DCDC1: variants seen among roughly 807,000 people sequenced by gnomAD.
DCDC1 encodes the protein doublecortin domain containing 1.
DCDC1 carries 200 observed loss-of-function variants against 178.3 expected under a neutral mutation model. The observed-to-expected ratio is 1.12, with a 90% CI of 1.00 to 1.26. DCDC1 has a LOEUF of 1.26. DCDC1 is among the 50% of genes most tolerant of loss of function. The probability of loss-of-function intolerance (pLI) is 0.00; values close to 1 mark genes in which losing one functional copy is unlikely to be tolerated. For synonymous variants in DCDC1, 690 were observed against 604.8 expected (o/e 1.14, Z -2.07); for missense variants, 1,983 against 1,749.2 (o/e 1.13, Z -2.38).
intron 20 of DCDC1, among the ~76,000 whole-genome samples, chr11:30,988,079 G>A (rs1023060532): frequency 5.3e-5 from 8 of 152,066 alleles, no homozygotes; most frequent in African/African-American, 1.9e-4. Flanking sequence ...AAGATAAGAA[G>A]TTCAGATTCT....
chr11:31,188,969 G>T (rs868432535), intron 9 of DCDC1, among the ~76,000 whole-genome samples: 1 of 152,040 alleles, frequency 6.6e-6, no homozygotes, highest in Non-Finnish European at 1.5e-5. Context: ...AAAGCCGCTT[G>T]TTCATCCCCT....
At chr11:30,927,981 T>A (rs895739449) in intron 22 of DCDC1, among the ~76,000 whole-genome samples, 2 of 152,070 alleles carry the variant, frequency 1.3e-5, no homozygotes, top group Non-Finnish European at 2.9e-5. Context: ...ATAATATACG[T>A]TAGTGGTATG....
intron 21 of DCDC1, among the ~76,000 whole-genome samples, chr11:30,951,883 C>G (rs1948447945): frequency 6.6e-6 from 1 of 152,050 alleles, no homozygotes; most frequent in East Asian, 1.9e-4. Flanking sequence ...AAATACAATT[C>G]ACACCTGTAA....
At chr11:31,358,178 C>G (rs1443093069) in intron 1 of DCDC1, among the ~76,000 whole-genome samples, 1 of 151,662 alleles carries the variant, frequency 6.6e-6, no homozygotes, top group Non-Finnish European at 1.5e-5. Flanking sequence ...CGCTACCTGA[C>G]TTCAAACTAT....
chr11:30,906,379 T>C lies in DCDC1; in HGVS notation c.4104+161A>G, dbSNP rs547251635. Reference sequence around the variant, plus strand: ...ATAGACAATGCATTTTAAATTACAATGGGGAAAAGGAAATCAATGCAGGTA... The same window carrying C: ...ATAGACAATGCATTTTAAATTACAACGGGGAAAAGGAAATCAATGCAGGTA... On this transcript the variant is annotated intron_variant, in intron 30 of 38. Transcript: ENST00000684477. 8.4e-6 allele frequency: 6 copies of C among 711,606 alleles called. No homozygotes were observed. The East Asian group carries it at 1.4e-4, about 16-fold the overall frequency. 44.1% of individuals were successfully genotyped at this position (711,606 alleles called of 1,614,324 possible).
chr11:31,061,006 C>T (rs527670542), intron 20 of DCDC1, among the ~76,000 whole-genome samples: 1 of 152,224 alleles, frequency 6.6e-6, no homozygotes, highest in South Asian at 2.1e-4. Context: ...GGCAGCTGCT[C>T]GCTTCCCTGG....
chr11:31,329,079 A>G (rs1949814748), intron 2 of DCDC1, among the ~76,000 whole-genome samples: 1 of 149,168 alleles, frequency 6.7e-6, no homozygotes. Context: ...AATGTCTACT[A>G]GGCTAGCCAA....
intron 38 of DCDC1, among the ~76,000 whole-genome samples, chr11:30,874,231 G>A (rs767787478): frequency 1.1e-4 from 16 of 152,146 alleles, no homozygotes; most frequent in Admixed American, 2.0e-4. Flanking sequence ...TGGTCACGAC[G>A]TGCTTCTTCC....
chr11:31,186,720 A>G (rs377386064), intron 9 of DCDC1, among the ~76,000 whole-genome samples: 71 of 152,320 alleles, frequency 4.7e-4, no homozygotes, highest in African/African-American at 1.5e-3. Flanking sequence ...TTAGAGTCCT[A>G]TGGAAGACTG....
chr11:31,020,228 TA>T (rs1309990397), intron 20 of DCDC1, among the ~76,000 whole-genome samples: 6 of 152,178 alleles, frequency 3.9e-5, no homozygotes, highest in Non-Finnish European at 8.8e-5. Context: ...CATCAATAAA[TA>T]AAACAGCTCT....
intron 3 of DCDC1, among the ~76,000 whole-genome samples, chr11:31,323,811 T>C (rs1243115924): frequency 1.3e-5 from 2 of 152,116 alleles, no homozygotes; most frequent in Non-Finnish European, 2.9e-5. Context: ...AATGTAAGCT[T>C]TTATAAAATC....
At chr11:31,103,544 G>T (rs1388835808) in intron 14 of DCDC1, 100 bp downstream of exon 14, 2 of 581,118 alleles carry the variant, frequency 3.4e-6, no homozygotes, top group Non-Finnish European at 6.1e-6. Flanking sequence ...AACTGAAAGA[G>T]CATCTTTTAG....
chr11:31,069,121 G>A (rs1313003466), intron 18 of DCDC1, among the ~76,000 whole-genome samples: 1 of 152,042 alleles, frequency 6.6e-6, no homozygotes, highest in African/African-American at 2.4e-5. Flanking sequence ...AAAGTGCTGG[G>A]ATTACAGGCA....
At chr11:30,945,157 C>T (rs771834282) in intron 21 of DCDC1, among the ~76,000 whole-genome samples, 4 of 150,968 alleles carry the variant, frequency 2.6e-5, no homozygotes, top group Admixed American at 6.6e-5. Flanking sequence ...TTAGTAGAGA[C>T]GGGGTTTCAC....
At chr11:31,253,059 A>G (rs567558484) in intron 8 of DCDC1, among the ~76,000 whole-genome samples, 1 of 152,280 alleles carries the variant, frequency 6.6e-6, no homozygotes, top group South Asian at 2.1e-4. Context: ...AGAATCTTCT[A>G]GCTTTTAAAG....
intron 9 of DCDC1, among the ~76,000 whole-genome samples, chr11:31,234,394 A>T (rs1353820090): frequency 6.6e-6 from 1 of 152,206 alleles, no homozygotes; most frequent in Admixed American, 6.5e-5. Context: ...ACTCGAACTA[A>T]CGCTACTAAC....
chr11:30,896,793 T>C (rs1208428078), intron 34 of DCDC1, among the ~76,000 whole-genome samples: 1 of 152,234 alleles, frequency 6.6e-6, no homozygotes, highest in Non-Finnish European at 1.5e-5. Context: ...TTGACATTTG[T>C]TACTTAATCA....
intron 17 of DCDC1, among the ~76,000 whole-genome samples, chr11:31,079,295 T>G (rs1489712174): frequency 6.6e-6 from 1 of 152,172 alleles, no homozygotes; most frequent in Non-Finnish European, 1.5e-5. Context: ...AGGAGGGTGG[T>G]GCATCCCAAC....
intron 36 of DCDC1, among the ~76,000 whole-genome samples, chr11:30,886,121 A>G (rs1943145605): frequency 6.6e-6 from 1 of 152,022 alleles, no homozygotes; most frequent in Non-Finnish European, 1.5e-5. Flanking sequence ...TCACAAAGGA[A>G]AAAAAAATTA....
Sources: allele counts gnomAD v4.1 joint callset (sites outside exome capture counted in the v4.1 genomes callset), GRCh38; gene constraint gnomAD v4.1.1; transcripts MANE v1.5; gene names NCBI Gene and HGNC (gene_info 2026-07-23, HGNC 2026-07-21).